The following AKR1B10 variants were observed in gnomAD, a reference collection of about 807,000 sequenced individuals.
AKR1B10 encodes the protein ARP.
In AKR1B10, 39 loss-of-function variants were observed where a neutral mutation model predicts 38.9. The observed-to-expected ratio is 1.00, with a 90% CI of 0.78 to 1.31. The LOEUF is 1.31. AKR1B10 is among the 50% of genes most tolerant of loss of function. The pLI, the probability that AKR1B10 is intolerant of heterozygous loss-of-function variation, is 0.00. For synonymous variants in AKR1B10, 148 were observed against 141.2 expected (o/e 1.05, Z -0.34); for missense variants, 361 against 382.6 (o/e 0.94, Z 0.47).
chr7:134,532,149 C>T (rs1807875223), intron 3 of AKR1B10, 125 bp downstream of exon 3: 5 of 1,167,110 alleles, frequency 4.3e-6, no homozygotes, highest in Non-Finnish European at 6.3e-6. Context: ...TTGGGAATGG[C>T]AGGTGGTCAG....
intron 3 of AKR1B10, 67 bp from the exon 4 acceptor site, chr7:134,532,937 A>G (rs1807899798): frequency 3.6e-6 from 5 of 1,399,816 alleles, no homozygotes; most frequent in Admixed American, 2.0e-5. Flanking sequence ...AGGATCCTGA[A>G]ACCTTGTTGA....
At chr7:134,532,900 A>T in intron 3 of AKR1B10, 104 bp from the exon 4 acceptor site, 1 of 890,452 alleles carries the variant, frequency 1.1e-6, no homozygotes, top group African/African-American at 1.7e-5. Context: ...AAAAAGTGGT[A>T]TGCAGATGTG....
chr7:134,536,721 C>T lies in AKR1B10; in HGVS notation c.501C>T (p.Ile167=), dbSNP rs56371030. The change falls in exon 5 of 10, where the codon ATC becomes ATT. Residue 167 remains isoleucine, a synonymous_variant. Coordinates refer to ENST00000359579, the MANE Select transcript of AKR1B10 (RefSeq NM_020299.5). Reference sequence around the variant, plus strand: ...TCTCCAATTTCAGCCACTTCCAGATCGAGAAGCTCTTGAACAAACCTGGAC... The same window carrying T: ...TCTCCAATTTCAGCCACTTCCAGATTGAGAAGCTCTTGAACAAACCTGGAC... ...LGVSNFSHFQ[I]EKLLNKPGLK... is the part of the protein sequence containing the mutation. 252 of 1,613,780 alleles carry T rather than the reference C, an allele frequency of 1.6e-4. No individual in the cohort carries two copies. The highest frequency in any genetic ancestry group is 2.8e-4 in the Admixed American group (17 of 59,992).
At chr7:134,531,487 T>C (rs1357000805) in intron 2 of AKR1B10, among the ~76,000 whole-genome samples, 1 of 152,294 alleles carries the variant, frequency 6.6e-6, no homozygotes, top group African/African-American at 2.4e-5. Flanking sequence ...TGGGGCCTTA[T>C]AGGCTTGATA....
intron 9 of AKR1B10, among the ~76,000 whole-genome samples, chr7:134,540,431 T>A (rs1240633583): frequency 6.6e-6 from 1 of 152,090 alleles, no homozygotes; most frequent in African/African-American, 2.4e-5. Flanking sequence ...CTTACCTTCC[T>A]ATGAGCATCA....
chr7:134,539,168 GAA>G, intron 9 of AKR1B10, 151 bp downstream of exon 9: 1 of 817,166 alleles, frequency 1.2e-6, no homozygotes, highest in East Asian at 2.7e-5. Context: ...GGGTACCTGG[GAA>G]TCACTGTGAG....
chr7:134,529,181 T>A (rs1807781146), intron 1 of AKR1B10, among the ~76,000 whole-genome samples: 1 of 152,204 alleles, frequency 6.6e-6, no homozygotes, highest in Non-Finnish European at 1.5e-5. Context: ...CTGTGCACCC[T>A]GATTTTTCTT....
intron 3 of AKR1B10, 93 bp from the exon 4 acceptor site, chr7:134,532,911 G>A: frequency 9.7e-7 from 1 of 1,025,912 alleles, no homozygotes; most frequent in African/African-American, 1.6e-5. Context: ...TGCAGATGTG[G>A]TATTTAGCAA....
In AKR1B10 at chr7:134,539,954, G is replaced by A. The variant is rs140962258; in HGVS notation, c.908+937G>A. Among the ~76,000 whole-genome samples, 814 of 152,304 alleles carry A rather than the reference G, an allele frequency of 5.3e-3. 4 individuals are homozygous for A. The highest frequency in any genetic ancestry group is 0.019 in the African/African-American group (771 of 41,572). ...CTTTTAAAAATGATTTCGGCTGGGC[G>A]TGGTGGCCCACGGCTGTGATCCCAG... On this transcript the variant is annotated intron_variant, in intron 9 of 9. Transcript: ENST00000359579.
intron 3 of AKR1B10, among the ~76,000 whole-genome samples, chr7:134,532,560 C>T (rs1424938257): frequency 6.6e-6 from 1 of 152,118 alleles, no homozygotes; most frequent in East Asian, 1.9e-4. Context: ...TCTCTCCCCT[C>T]CTGACCAACT....
intron 1 of AKR1B10, among the ~76,000 whole-genome samples, chr7:134,528,594 C>T (rs538682675): frequency 5.9e-5 from 9 of 152,192 alleles, no homozygotes; most frequent in South Asian, 2.1e-4. Flanking sequence ...CATGGTGGCA[C>T]GCACCTGTAG....
At chr7:134,528,782 CAG>C (rs1457983676) in intron 1 of AKR1B10, among the ~76,000 whole-genome samples, 3 of 152,102 alleles carry the variant, frequency 2.0e-5, no homozygotes, top group South Asian at 2.1e-4. Flanking sequence ...AAACAAAATG[CAG>C]AGTCTCAGGC....
At chr7:134,530,595 T>A in intron 1 of AKR1B10, 48 bp from the exon 2 acceptor site, 1 of 1,606,088 alleles carries the variant, frequency 6.2e-7, no homozygotes, top group Non-Finnish European at 8.5e-7. Flanking sequence ...CAGGGCCCCA[T>A]CTCTTAAAAA....
At chr7:134,534,698 G>A (rs1286781487) in intron 4 of AKR1B10, among the ~76,000 whole-genome samples, 2 of 152,172 alleles carry the variant, frequency 1.3e-5, no homozygotes, top group Non-Finnish European at 2.9e-5. Context: ...TTGAAGCAGA[G>A]AGGAGGAAAA....
chr7:134,534,193 C>A (rs748951311), intron 4 of AKR1B10, among the ~76,000 whole-genome samples: 23 of 152,116 alleles, frequency 1.5e-4, no homozygotes, highest in Non-Finnish European at 3.1e-4. Context: ...ACAATCTTGG[C>A]TCACTGCAAC....
At position 134,541,145 on chromosome 7, in the gene AKR1B10, A is replaced by T. The variant is rs1294652037; in HGVS notation, c.*56A>T. ...GATTCTCTTTCTTCGCTGAAGTGTG[A>T]CTACCTCCACTCATGTCCCATTTTA... On this transcript the variant is annotated 3_prime_UTR_variant, in exon 10 of 10. Coordinates refer to ENST00000359579, the MANE Select transcript of AKR1B10 (RefSeq NM_020299.5). The T allele has an allele frequency of 8.5e-6, 11 of 1,301,680 alleles. No individual in the cohort carries two copies. The highest frequency in any genetic ancestry group is 1.3e-5 in the South Asian group (1 of 79,438). 80.6% of individuals were successfully genotyped at this position (1,301,680 alleles called of 1,614,324 possible).
At chr7:134,538,895 T>A (rs751119256) in intron 8 of AKR1B10, 40 bp from the exon 9 acceptor site, 3 of 1,611,632 alleles carry the variant, frequency 1.9e-6, no homozygotes, top group Admixed American at 3.3e-5. Flanking sequence ...ACAGCTAGAA[T>A]GGCCTTACTG....
At chr7:134,539,071 A>G in intron 9 of AKR1B10, 54 bp downstream of exon 9, 1 of 1,597,946 alleles carries the variant, frequency 6.3e-7, no homozygotes, top group South Asian at 1.1e-5. Context: ...CTAAACTAAT[A>G]GAGGGTTAGT....
intron 1 of AKR1B10, among the ~76,000 whole-genome samples, chr7:134,529,028 C>T (rs943044035): frequency 2.0e-5 from 3 of 152,188 alleles, no homozygotes; most frequent in African/African-American, 7.2e-5. Flanking sequence ...CCATCACCAC[C>T]TCCCTCTGCC....
Sources: gnomAD v4.1 joint callset for allele counts (sites outside exome capture counted in the v4.1 genomes callset) on GRCh38, gnomAD v4.1.1 for gene constraint, MANE v1.5 for transcripts, NCBI Gene and HGNC (gene_info 2026-07-23, HGNC 2026-07-21) for gene names.